Variants in FRMD4A observed in about 807,000 individuals in gnomAD.
The protein encoded by FRMD4A is FERM domain-containing protein 4A.
FRMD4A carries 29 observed loss-of-function variants against 129.1 expected under a neutral mutation model. The observed-to-expected ratio is 0.22, with a 90% CI of 0.17 to 0.31. The LOEUF (loss-of-function observed/expected upper bound fraction) is 0.31. Ranked by LOEUF, FRMD4A falls within the 10% of genes least tolerant of loss-of-function variation. The pLI, the probability that FRMD4A is intolerant of heterozygous loss-of-function variation, is 1.00. For synonymous variants in FRMD4A, 634 were observed against 571.6 expected (o/e 1.11, Z -1.56); for missense variants, 1,272 against 1,375.8 (o/e 0.92, Z 1.19).
chr10:13,903,661 C>T (rs1367259769), intron 2 of FRMD4A, among the ~76,000 whole-genome samples: 4 of 151,550 alleles, frequency 2.6e-5, no homozygotes, highest in African/African-American at 9.7e-5. Context: ...CACTTGAGGC[C>T]AAGAGTTTGA....
At chr10:14,100,986 G>C (rs886975367) in intron 2 of FRMD4A, among the ~76,000 whole-genome samples, 3 of 152,100 alleles carry the variant, frequency 2.0e-5, no homozygotes, top group Non-Finnish European at 4.4e-5. Flanking sequence ...ATGGAGCTGT[G>C]ATGTTTGGAC....
chr10:14,097,716 G>T (rs789755), intron 2 of FRMD4A, among the ~76,000 whole-genome samples: 15,791 of 150,806 alleles, frequency 0.1, 1,510 homozygotes, highest in African/African-American at 0.25. Flanking sequence ...ATATTTTAGG[G>T]TGTCCAGTAA....
chr10:14,068,200 C>G (rs1447973768), intron 2 of FRMD4A, among the ~76,000 whole-genome samples: 1 of 152,156 alleles, frequency 6.6e-6, no homozygotes, highest in Non-Finnish European at 1.5e-5. Context: ...GGCTCAGAGC[C>G]AGGCTGGGGG....
chr10:13,949,139 G>A (rs1295235147), intron 2 of FRMD4A, among the ~76,000 whole-genome samples: 2 of 151,924 alleles, frequency 1.3e-5, no homozygotes, highest in African/African-American at 4.8e-5. Flanking sequence ...CCAATGGATG[G>A]TCTTCAGTGA....
Position 14,257,908 on chromosome 10 carries a change from C to T in FRMD4A, c.45+72150G>A, listed in dbSNP as rs143185011. Among the ~76,000 whole-genome samples the T allele has an allele frequency of 5.9e-5, 9 of 152,310 alleles. No individual in the cohort carries two copies. The East Asian group carries it at 1.7e-3, about 29-fold the overall frequency. The stretch of plus-strand genomic sequence containing the variant: ...TGTGTAAAGCCACCCAGTTTGTGGT[C>T]ATCTGCTAAAACAGCCTTTGAAAAC... On this transcript the variant is annotated intron_variant, in intron 2 of 24. Coordinates refer to ENST00000357447, the MANE Select transcript of FRMD4A (RefSeq NM_018027.5).
chr10:13,791,838 T>C (rs1054929270), intron 5 of FRMD4A, among the ~76,000 whole-genome samples: 1 of 152,246 alleles, frequency 6.6e-6, no homozygotes, highest in Non-Finnish European at 1.5e-5. Flanking sequence ...CTCAGGGTGA[T>C]GACCAGGTGC....
chr10:13,802,486 C>G (rs1228453646), intron 4 of FRMD4A, among the ~76,000 whole-genome samples: 1 of 151,872 alleles, frequency 6.6e-6, no homozygotes, highest in Non-Finnish European at 1.5e-5. Context: ...GGGTCTCACT[C>G]TGTTGCCCAG....
At chr10:13,679,474 T>TACACACACACACACACAC (rs59818032) in intron 15 of FRMD4A, among the ~76,000 whole-genome samples, 442 of 31,430 alleles carry the variant, frequency 0.014, 19 homozygotes, top group East Asian at 0.12. Context: ...TATATATATA[T>TACACACACACACACACAC]ACACACACAC....
chr10:13,695,835 C>T lies in FRMD4A; in HGVS notation c.976-1796G>A, dbSNP rs562030000. Among the ~76,000 whole-genome samples, 14 of 152,314 alleles carry T rather than the reference C, an allele frequency of 9.2e-5. No individual in the cohort carries two copies. The East Asian group carries it at 1.5e-3, about 17-fold the overall frequency. On this transcript the variant is annotated intron_variant, in intron 14 of 24. Coordinates refer to ENST00000357447, the MANE Select transcript of FRMD4A (RefSeq NM_018027.5). Reference sequence around the variant, plus strand: ...GATGCCCCGTGTACAGCCTACCTTCCGTGCCTGGGGGCCCTTACTGTCCAG... The same window carrying T: ...GATGCCCCGTGTACAGCCTACCTTCTGTGCCTGGGGGCCCTTACTGTCCAG...
intron 2 of FRMD4A, among the ~76,000 whole-genome samples, chr10:13,916,344 C>G (rs981594545): frequency 6.6e-6 from 1 of 152,222 alleles, no homozygotes; most frequent in South Asian, 2.1e-4. Flanking sequence ...CTGGATCTCA[C>G]TTTTCCTTTG....
chr10:13,937,154 C>T (rs896467953), intron 2 of FRMD4A, among the ~76,000 whole-genome samples: 1 of 152,184 alleles, frequency 6.6e-6, no homozygotes, highest in Non-Finnish European at 1.5e-5. Flanking sequence ...CCTTTCTCCC[C>T]AGAAAGCATC....
At chr10:14,167,050 C>G (rs1186086505) in intron 2 of FRMD4A, among the ~76,000 whole-genome samples, 2 of 152,118 alleles carry the variant, frequency 1.3e-5, no homozygotes, top group Non-Finnish European at 2.9e-5. Context: ...TGATAGTTAA[C>G]ATGAATCGAT....
chr10:13,839,818 G>A (rs2093934566), intron 3 of FRMD4A, among the ~76,000 whole-genome samples: 2 of 152,172 alleles, frequency 1.3e-5, no homozygotes, highest in South Asian at 4.1e-4. Flanking sequence ...GGTCTGAGCC[G>A]GCGTGTGCTG....
chr10:13,907,462 G>A (rs1372910227), intron 2 of FRMD4A, among the ~76,000 whole-genome samples: 1 of 152,162 alleles, frequency 6.6e-6, no homozygotes, highest in African/African-American at 2.4e-5. Context: ...GCAATGTTCA[G>A]TTCAAAGGGA....
chr10:13,816,013 G>T (rs1485810104), intron 3 of FRMD4A, among the ~76,000 whole-genome samples: 1 of 152,120 alleles, frequency 6.6e-6, no homozygotes, highest in Non-Finnish European at 1.5e-5. Flanking sequence ...TCAAGGAAAA[G>T]GCTCTGAGCA....
intron 2 of FRMD4A, among the ~76,000 whole-genome samples, chr10:14,172,923 C>T (rs533866690): frequency 6.6e-6 from 1 of 152,264 alleles, no homozygotes; most frequent in African/African-American, 2.4e-5. Context: ...CATGGGTGAA[C>T]ATAACAGAGA....
chr10:14,219,904 G>C (rs1452755521), intron 2 of FRMD4A, among the ~76,000 whole-genome samples: 1 of 152,184 alleles, frequency 6.6e-6, no homozygotes, highest in East Asian at 1.9e-4. Flanking sequence ...TTGCTATTGA[G>C]AGTGATGAAA....
intron 3 of FRMD4A, among the ~76,000 whole-genome samples, chr10:13,838,613 C>T (rs939552035): frequency 6.6e-6 from 1 of 152,122 alleles, no homozygotes; most frequent in African/African-American, 2.4e-5. Flanking sequence ...GTGCCTCAGC[C>T]TCCCAAGTAG....
chr10:14,207,697 C>CACAG lies in FRMD4A; in HGVS notation c.45+122360_45+122361insCTGT, dbSNP rs1361788616. Among the ~76,000 whole-genome samples, 9 of 151,894 alleles carry CACAG rather than the reference C, an allele frequency of 5.9e-5. No individual in the cohort carries two copies. The East Asian group carries it at 1.6e-3, about 26-fold the overall frequency. The stretch of plus-strand genomic sequence containing the variant: ...ATCATCCTAGGTAACCACACACACA[C>CACAG]ACACACACACACACACACACACGGA... On this transcript the variant is annotated intron_variant, in intron 2 of 24. Coordinates refer to ENST00000357447, the MANE Select transcript of FRMD4A (RefSeq NM_018027.5).
Sources: allele counts gnomAD v4.1 joint callset (sites outside exome capture counted in the v4.1 genomes callset), GRCh38; gene constraint gnomAD v4.1.1; transcripts MANE v1.5; gene names NCBI Gene and HGNC (gene_info 2026-07-23, HGNC 2026-07-21).